Variants in SPTLC2 observed in about 807,000 individuals in gnomAD.
SPTLC2 encodes the protein serine palmitoyltransferase long chain base subunit 2, also known as serine palmitoyltransferase 2.
A neutral mutation model predicts 62.0 loss-of-function variants in SPTLC2; 21 were observed. That is an observed-to-expected ratio of 0.34 (90% confidence interval 0.24 to 0.49). SPTLC2 has a LOEUF of 0.49. Ranked by LOEUF, SPTLC2 falls within the 20% of genes least tolerant of loss-of-function variation. SPTLC2 has a pLI of 0.99. For missense variants in SPTLC2, 511 were observed against 713.0 expected (o/e 0.72, Z 3.23); for synonymous variants, 261 against 261.8 (o/e 1.00, Z 0.03).
chr14:77,553,729 CAAAA>C (rs34500527), intron 8 of SPTLC2, among the ~76,000 whole-genome samples: 2 of 96,576 alleles, frequency 2.1e-5, no homozygotes, highest in African/African-American at 8.2e-5. Context: ...GGCTTGGTCT[CAAAA>C]AAAAAAAAAA....
In SPTLC2 at chr14:77,521,457, A is replaced by C. The variant is rs34418677; in HGVS notation, c.1428T>G (p.Pro476=). ...GCAACAAAACGTACCCAATTTTGGC[A>C]GGCATGTAGAGCATCAAAGGCACTA... ...SPVVPLMLYM[P]AKIGAFGREM... is the part of the protein sequence containing the mutation. The change falls in exon 10 of 12, where the codon CCT becomes CCG. Residue 476 remains proline (P), a synonymous_variant. Coordinates refer to ENST00000216484, the MANE Select transcript of SPTLC2 (RefSeq NM_004863.4). 2.1e-3 allele frequency: 3,467 copies of C among 1,614,188 alleles called. 82 individuals carry two copies. In the African/African-American group the frequency reaches 0.041, roughly 19 times the overall value.
intron 2 of SPTLC2, among the ~76,000 whole-genome samples, chr14:77,585,455 A>C (rs1323669456): frequency 1.3e-5 from 2 of 152,198 alleles, no homozygotes; most frequent in Non-Finnish European, 2.9e-5. Flanking sequence ...AATAACTTTT[A>C]CTTATTTTAG....
chr14:77,588,158 A>C (rs2079793272), intron 2 of SPTLC2, among the ~76,000 whole-genome samples: 1 of 152,122 alleles, frequency 6.6e-6, no homozygotes, highest in Non-Finnish European at 1.5e-5. Flanking sequence ...ACGCCAGTCT[A>C]AACTCCTAAC....
chr14:77,531,649 G>C (rs2079441737), intron 9 of SPTLC2, among the ~76,000 whole-genome samples: 1 of 151,978 alleles, frequency 6.6e-6, no homozygotes, highest in Non-Finnish European at 1.5e-5. Context: ...GAGTAGCTGG[G>C]ATTAAGGCAA....
intron 2 of SPTLC2, among the ~76,000 whole-genome samples, chr14:77,586,573 G>A (rs1251582551): frequency 6.6e-6 from 1 of 152,156 alleles, no homozygotes; most frequent in African/African-American, 2.4e-5. Flanking sequence ...CAGTGATATA[G>A]GAATGAAGTA....
intron 9 of SPTLC2, among the ~76,000 whole-genome samples, chr14:77,534,607 ATG>A: frequency 3.5e-5 from 5 of 143,862 alleles, no homozygotes; most frequent in Non-Finnish European, 4.7e-5. Flanking sequence ...ACACACACAT[ATG>A]CTAAACATAG....
At chr14:77,532,598 C>G (rs1460179315) in intron 9 of SPTLC2, among the ~76,000 whole-genome samples, 4 of 151,658 alleles carry the variant, frequency 2.6e-5, no homozygotes, top group African/African-American at 9.7e-5. Flanking sequence ...TCCTGGCTAA[C>G]ACAGTGAAAG....
At chr14:77,529,026 C>T (rs899997273) in intron 9 of SPTLC2, among the ~76,000 whole-genome samples, 1 of 151,974 alleles carries the variant, frequency 6.6e-6, no homozygotes, top group Admixed American at 6.6e-5. Flanking sequence ...TTAGTAGAGA[C>T]AGGGTTTCAC....
chr14:77,513,016 CTTTTTTTTTTTTT>C (rs1190713237), intron 11 of SPTLC2, among the ~76,000 whole-genome samples: 8 of 62,820 alleles, frequency 1.3e-4, no homozygotes, highest in African/African-American at 2.5e-4. Flanking sequence ...AACCCAGCAA[CTTTTTTTTTTTTT>C]TTTTTTTTTT....
chr14:77,559,074 C>T (rs896793620), intron 6 of SPTLC2, among the ~76,000 whole-genome samples: 1 of 152,144 alleles, frequency 6.6e-6, no homozygotes, highest in Non-Finnish European at 1.5e-5. Context: ...AATCTTAGCA[C>T]TTTGGGAGAC....
chr14:77,540,106 G>A (rs888232181), intron 9 of SPTLC2, among the ~76,000 whole-genome samples: 1 of 150,392 alleles, frequency 6.6e-6, no homozygotes, highest in Non-Finnish European at 1.5e-5. Flanking sequence ...TGAGGCAGGA[G>A]AATCGCTCGA....
chr14:77,539,483 C>CTTTT (rs71128638), intron 9 of SPTLC2, among the ~76,000 whole-genome samples: 564 of 53,492 alleles, frequency 0.011, 50 homozygotes, highest in African/African-American at 0.022. Context: ...TCTTAAGAGG[C>CTTTT]TTTTTTTTTT....
intron 6 of SPTLC2, among the ~76,000 whole-genome samples, chr14:77,559,710 C>A (rs190371398): frequency 1.3e-5 from 2 of 151,898 alleles, no homozygotes; most frequent in Non-Finnish European, 2.9e-5. Context: ...GGCAACACAG[C>A]GAGACTTTGT....
chr14:77,557,315 T>C (rs946180352), intron 6 of SPTLC2, 169 bp from the exon 7 acceptor site: 149 of 622,206 alleles, frequency 2.4e-4, no homozygotes, highest in South Asian at 3.9e-5. Flanking sequence ...ATTGCCACCT[T>C]GAATTGAAAT....
chr14:77,557,951 C>T (rs1443115398), intron 6 of SPTLC2, among the ~76,000 whole-genome samples: 2 of 152,074 alleles, frequency 1.3e-5, no homozygotes, highest in East Asian at 1.9e-4. Context: ...CTTAAAATAC[C>T]TGCCCTGAAA....
chr14:77,515,974 T>C (rs1220084838), intron 11 of SPTLC2, among the ~76,000 whole-genome samples: 1 of 122,608 alleles, frequency 8.2e-6, no homozygotes, highest in African/African-American at 2.7e-5. Context: ...GATGAATTCA[T>C]TTATGAGCTC....
At chr14:77,600,455 A>C (rs894354708) in intron 1 of SPTLC2, among the ~76,000 whole-genome samples, 3 of 152,224 alleles carry the variant, frequency 2.0e-5, no homozygotes, top group East Asian at 3.8e-4. Flanking sequence ...CTTCACCTTT[A>C]AGAACTGATG....
At chr14:77,606,364 G>C (rs1273158340) in intron 1 of SPTLC2, among the ~76,000 whole-genome samples, 1 of 129,562 alleles carries the variant, frequency 7.7e-6, no homozygotes, top group East Asian at 2.1e-4. Flanking sequence ...TTTCCCAGGA[G>C]GGAGGGGACT....
chr14:77,521,615 C>G (rs2072672), intron 9 of SPTLC2, 34 bp from the exon 10 acceptor site: 13 of 1,596,042 alleles, frequency 8.1e-6, no homozygotes, highest in Non-Finnish European at 1.1e-5. Context: ...ACAAAATAAT[C>G]CTAAGTAAAA....
Sources: gnomAD v4.1 joint callset for allele counts (sites outside exome capture counted in the v4.1 genomes callset) on GRCh38, gnomAD v4.1.1 for gene constraint, MANE v1.5 for transcripts, NCBI Gene and HGNC (gene_info 2026-07-23, HGNC 2026-07-21) for gene names.